ITGBL1: variants seen among roughly 807,000 people sequenced by gnomAD.
ITGBL1 encodes integrin beta-like protein 1.
Under a neutral mutation model 68.5 loss-of-function variants are expected in ITGBL1, and 51 were observed. The observed-to-expected ratio is 0.74, with a 90% CI of 0.59 to 0.94. The LOEUF (loss-of-function observed/expected upper bound fraction) is 0.94. ITGBL1 is among the 40% of genes least tolerant of loss of function. ITGBL1 has a pLI of 0.00. For synonymous variants in ITGBL1, 209 were observed against 227.3 expected, an observed-to-expected ratio of 0.92 and a Z score of 0.72; for missense variants, 649 against 647.4, an observed-to-expected ratio of 1.00 and a Z score of -0.03.
chr13:101,705,268 ATC>A (rs200607686), intron 8 of ITGBL1, among the ~76,000 whole-genome samples: 1 of 137,222 alleles, frequency 7.3e-6, no homozygotes, highest in Admixed American at 8.0e-5. Context: ...CCCAGGGAAA[ATC>A]TCTCTTATTT....
At chr13:101,529,020 T>A (rs2049428150) in intron 2 of ITGBL1, among the ~76,000 whole-genome samples, 2 of 151,528 alleles carry the variant, frequency 1.3e-5, no homozygotes, top group Non-Finnish European at 3.0e-5. Flanking sequence ...AACTCAAAAA[T>A]TAGGCACTAT....
At chr13:101,601,904 T>G (rs997428543) in intron 7 of ITGBL1, among the ~76,000 whole-genome samples, 5 of 152,116 alleles carry the variant, frequency 3.3e-5, no homozygotes, top group Non-Finnish European at 2.9e-5. Context: ...CACACACATC[T>G]TAATTTAAAA....
chr13:101,577,290 A>G (rs2050378894), intron 4 of ITGBL1, among the ~76,000 whole-genome samples: 1 of 152,184 alleles, frequency 6.6e-6, no homozygotes, highest in East Asian at 1.9e-4. Flanking sequence ...AAGTAGTACA[A>G]ATAGACATTT....
At chr13:101,693,948 ACAT>A (rs1395778483) in intron 8 of ITGBL1, among the ~76,000 whole-genome samples, 3 of 152,092 alleles carry the variant, frequency 2.0e-5, no homozygotes, top group Non-Finnish European at 4.4e-5. Context: ...AATTCGTAAA[ACAT>A]CTGCTGTGCT....
intron 2 of ITGBL1, among the ~76,000 whole-genome samples, chr13:101,495,182 T>C (rs1041678088): frequency 2.0e-5 from 3 of 152,068 alleles, no homozygotes; most frequent in Non-Finnish European, 2.9e-5. Context: ...CCAGAAAGAG[T>C]ATTGACTTTA....
intron 8 of ITGBL1, among the ~76,000 whole-genome samples, chr13:101,700,772 C>G (rs1335545567): frequency 6.6e-6 from 1 of 152,154 alleles, no homozygotes; most frequent in Admixed American, 6.5e-5. Context: ...TATTTCTTGT[C>G]CCAAGAACTT....
intron 7 of ITGBL1, among the ~76,000 whole-genome samples, chr13:101,610,694 C>T (rs2031084368): frequency 6.6e-6 from 1 of 151,944 alleles, no homozygotes; most frequent in Non-Finnish European, 1.5e-5. Flanking sequence ...GAGTAGTGGC[C>T]ACAGAGAGCA....
rs7332849 is a variant in ITGBL1 at position 101,566,893 on chromosome 13, G to A, written c.317-806G>A. On this transcript the variant is annotated intron_variant, in intron 2 of 10. Coordinates refer to ENST00000376180, the MANE Select transcript of ITGBL1 (RefSeq NM_004791.3). Reference sequence around the variant, plus strand: ...ACTTTATCGCTCAGCTTAACTCAAGGTGACAATCACTTCTGGCTGACAATC... The same window carrying A: ...ACTTTATCGCTCAGCTTAACTCAAGATGACAATCACTTCTGGCTGACAATC... Among the ~76,000 whole-genome samples, 1,483 of 152,206 alleles carry A rather than the reference G, an allele frequency of 9.7e-3. 23 individuals carry two copies. The highest frequency in any genetic ancestry group is 0.034 in the African/African-American group (1,422 of 41,534).
chr13:101,612,209 G>A (rs2031163024), intron 7 of ITGBL1, among the ~76,000 whole-genome samples: 1 of 152,174 alleles, frequency 6.6e-6, no homozygotes, highest in African/African-American at 2.4e-5. Flanking sequence ...GTGGATGTTG[G>A]TAAATAATAC....
intron 7 of ITGBL1, among the ~76,000 whole-genome samples, chr13:101,605,760 G>T (rs565253550): frequency 7.3e-6 from 1 of 137,572 alleles, no homozygotes; most frequent in Non-Finnish European, 1.6e-5. Flanking sequence ...GCGTATATGT[G>T]TGTACACGTG....
At chr13:101,458,919 G>C (rs1481018015) in intron 2 of ITGBL1, among the ~76,000 whole-genome samples, 1 of 152,190 alleles carries the variant, frequency 6.6e-6, no homozygotes, top group African/African-American at 2.4e-5. Flanking sequence ...AACTCCACGG[G>C]AGAGGCAATA....
chr13:101,480,223 G>C (rs997262907), intron 2 of ITGBL1, among the ~76,000 whole-genome samples: 1 of 152,000 alleles, frequency 6.6e-6, no homozygotes, highest in African/African-American at 2.4e-5. Context: ...GGAACAAAAA[G>C]ACAGACTCTG....
chr13:101,659,930 T>C (rs928597163), intron 7 of ITGBL1, among the ~76,000 whole-genome samples: 5 of 152,130 alleles, frequency 3.3e-5, no homozygotes, highest in African/African-American at 1.2e-4. Flanking sequence ...ATTAAGGTAA[T>C]TGACCCTCAT....
chr13:101,567,751 G>A lies in ITGBL1; in HGVS notation c.369G>A (p.Gly123=), dbSNP rs1273854965. The change falls in exon 3 of 11, where the codon GGG becomes GGA. Residue 123 remains glycine, a synonymous_variant. Transcript: ENST00000376180. The part of the protein sequence containing the change: ...GKCKCDQGWY[G]DACQYPTNCD... ...GCAAGTGTGACCAGGGATGGTATGG[G>A]GATGCTTGCCAGTACCCAACTAACT... 2 of 1,613,220 alleles carry A rather than the reference G, an allele frequency of 1.2e-6. No homozygotes were observed. The highest frequency in any genetic ancestry group is 1.7e-6 in the Non-Finnish European group (2 of 1,179,500).
At position 101,561,182 on chromosome 13, in the gene ITGBL1, C is replaced by T. The variant is rs931499465; in HGVS notation, c.317-6517C>T. On this transcript the variant is annotated intron_variant, in intron 2 of 10. Coordinates refer to ENST00000376180, the MANE Select transcript of ITGBL1 (RefSeq NM_004791.3). The stretch of plus-strand genomic sequence containing the variant: ...GCCCTCGTGAATGAGCATGAAGCCC[C>T]GGGTGCTGCAGAATTTGAGAGAGCC... Among the ~76,000 whole-genome samples the T allele has an allele frequency of 2.6e-5, 4 of 152,154 alleles. No individual in the cohort carries two copies. The South Asian group carries it at 6.2e-4, about 24-fold the overall frequency.
rs2033907708 is a variant in ITGBL1 at position 101,692,715 on chromosome 13, T to C, written c.1132+14T>C. 1.3e-6 allele frequency: 2 copies of C among 1,544,846 alleles called. No individual in the cohort carries two copies. The highest frequency in any genetic ancestry group is 1.8e-6 in the Non-Finnish European group (2 of 1,116,934). On this transcript the variant is annotated intron_variant, in intron 8 of 10. Transcript: ENST00000376180. ...TGGTCTGTGGAGGTAGTAACCTTTC[T>C]CATAGCTGTATGCTACCTGCATGCA...
intron 6 of ITGBL1, among the ~76,000 whole-genome samples, chr13:101,588,045 G>A (rs2050587248): frequency 6.6e-6 from 1 of 152,178 alleles, no homozygotes; most frequent in Non-Finnish European, 1.5e-5. Flanking sequence ...TGAAACACCT[G>A]CACCTGTTTC....
intron 7 of ITGBL1, among the ~76,000 whole-genome samples, chr13:101,670,550 T>C (rs1302380396): frequency 6.6e-6 from 1 of 152,244 alleles, no homozygotes; most frequent in Non-Finnish European, 1.5e-5. Context: ...TTTTTGACAT[T>C]TTCTGTCACT....
At chr13:101,705,386 C>T (rs184267179) in intron 8 of ITGBL1, among the ~76,000 whole-genome samples, 2 of 150,680 alleles carry the variant, frequency 1.3e-5, no homozygotes, top group East Asian at 4.0e-4. Flanking sequence ...TGATCAAAAA[C>T]CTTTTCACCA....
Sources: gnomAD v4.1 joint callset for allele counts (sites outside exome capture counted in the v4.1 genomes callset) on GRCh38, gnomAD v4.1.1 for gene constraint, MANE v1.5 for transcripts, NCBI Gene and HGNC (gene_info 2026-07-23, HGNC 2026-07-21) for gene names.